KLHL1: variants seen among roughly 807,000 people sequenced by gnomAD.
KLHL1 encodes the protein kelch-like protein 1.
A neutral mutation model predicts 77.7 loss-of-function variants in KLHL1; 47 were observed. The ratio of observed to expected loss-of-function variants is 0.60; its 90% CI spans 0.48 to 0.77. The LOEUF is 0.77. Among genes scored for constraint, KLHL1 ranks in the 30% least tolerant of loss-of-function variants. The pLI, the probability that KLHL1 is intolerant of heterozygous loss-of-function variation, is 0.00. For missense variants in KLHL1, 925 were observed against 910.8 expected, an observed-to-expected ratio of 1.02 and a Z score of -0.20; for synonymous variants, 360 against 325.2, an observed-to-expected ratio of 1.11 and a Z score of -1.15.
chr13:69,983,240 G>T (rs1884765208), intron 1 of KLHL1, among the ~76,000 whole-genome samples: 1 of 151,998 alleles, frequency 6.6e-6, no homozygotes, highest in Non-Finnish European at 1.5e-5. Context: ...TCATTGGTTG[G>T]AATAATAATT....
chr13:70,108,144 G>C lies in KLHL1; in HGVS notation c.-445C>G, dbSNP rs1888123564. ...CTTGTGGCAGAGCCTTAGTAGGGAA[G>C]GTGGTGGCGTTCTTGTCCTTGCAGC... On this transcript the variant is annotated 5_prime_UTR_variant, in exon 1 of 11. Coordinates refer to ENST00000377844, the MANE Select transcript of KLHL1 (RefSeq NM_020866.3). 2 of 402,264 alleles carry C rather than the reference G, an allele frequency of 5.0e-6. No individual in the cohort carries two copies. The highest frequency in any genetic ancestry group is 7.1e-5 in the East Asian group (2 of 28,000). The allele number at this position is 402,264 out of a possible 1,614,324, so 24.9% of individuals were successfully genotyped here.
At chr13:69,753,597 A>G (rs1566214412) in intron 7 of KLHL1, among the ~76,000 whole-genome samples, 2 of 152,230 alleles carry the variant, frequency 1.3e-5, no homozygotes, top group Admixed American at 6.6e-5. Flanking sequence ...CAGATAAATC[A>G]AATGAGAATA....
chr13:69,726,549 T>G (rs1873304386), intron 8 of KLHL1, among the ~76,000 whole-genome samples: 1 of 152,190 alleles, frequency 6.6e-6, no homozygotes, highest in Non-Finnish European at 1.5e-5. Flanking sequence ...AAACTCCTCT[T>G]GTCACTTGCT....
chr13:69,883,707 G>A (rs1199873050), intron 4 of KLHL1, among the ~76,000 whole-genome samples: 2 of 152,232 alleles, frequency 1.3e-5, no homozygotes, highest in African/African-American at 4.8e-5. Context: ...AATCTCTGTA[G>A]AGAAAAACAA....
At position 70,008,532 on chromosome 13, in the gene KLHL1, T is replaced by C. The variant is rs1219776795; in HGVS notation, c.498-32730A>G. On this transcript the variant is annotated intron_variant, in intron 1 of 10. Coordinates refer to ENST00000377844, the MANE Select transcript of KLHL1 (RefSeq NM_020866.3). ...TGCATGTTTTTAACCATTTGATATA[T>C]ACATTAAAAAGCTATTAGGACAGTA... is the stretch of plus-strand genomic sequence containing the variant. 2.6e-5 allele frequency among the ~76,000 whole-genome samples: 4 copies of C among 152,108 alleles called. No homozygotes were observed. The South Asian group carries it at 8.3e-4, about 31-fold the overall frequency.
At chr13:69,896,246 C>G (rs957122629) in intron 4 of KLHL1, among the ~76,000 whole-genome samples, 18 of 152,240 alleles carry the variant, frequency 1.2e-4, no homozygotes, top group African/African-American at 4.3e-4. Flanking sequence ...TCTCTCCTTT[C>G]TTATTCTCCC....
At chr13:70,000,071 T>G (rs1169100638) in intron 1 of KLHL1, among the ~76,000 whole-genome samples, 1 of 151,902 alleles carries the variant, frequency 6.6e-6, no homozygotes, top group Non-Finnish European at 1.5e-5. Context: ...GAGATCTGAT[T>G]GTTTAAAAGA....
intron 8 of KLHL1, among the ~76,000 whole-genome samples, chr13:69,739,022 A>T (rs371746886): frequency 2.6e-5 from 4 of 152,170 alleles, no homozygotes; most frequent in African/African-American, 9.6e-5. Context: ...GTCACCTGTA[A>T]AGGGAAGCCC....
intron 7 of KLHL1, among the ~76,000 whole-genome samples, chr13:69,793,919 T>C (rs1876985993): frequency 6.6e-6 from 1 of 152,158 alleles, no homozygotes; most frequent in African/African-American, 2.4e-5. Context: ...TACCCCATAT[T>C]GTTCCCTTAG....
chr13:69,787,344 G>C (rs1046269839), intron 7 of KLHL1, among the ~76,000 whole-genome samples: 4 of 152,114 alleles, frequency 2.6e-5, no homozygotes, highest in African/African-American at 7.2e-5. Flanking sequence ...AGAGCCCTCA[G>C]AAATAATGCC....
chr13:69,706,383 T>G (rs1875626330), intron 10 of KLHL1, among the ~76,000 whole-genome samples: 1 of 151,878 alleles, frequency 6.6e-6, no homozygotes, highest in Non-Finnish European at 1.5e-5. Flanking sequence ...GGAATTTGGT[T>G]TTGTACTCCG....
At chr13:69,766,663 T>G (rs942404051) in intron 7 of KLHL1, among the ~76,000 whole-genome samples, 1 of 152,084 alleles carries the variant, frequency 6.6e-6, no homozygotes, top group Non-Finnish European at 1.5e-5. Context: ...CCCAGTAGAT[T>G]TTCCCATATT....
chr13:69,817,263 A>G lies in KLHL1; in HGVS notation c.1415-20301T>C, dbSNP rs888299913. The stretch of plus-strand genomic sequence containing the variant: ...AAAATGTAGACACTGGAATGAAAGA[A>G]AAAGATGGCAATCATGACAATTAGG... On this transcript the variant is annotated intron_variant, in intron 6 of 10. Transcript: ENST00000377844. Among the ~76,000 whole-genome samples, 7 of 152,222 alleles carry G rather than the reference A, an allele frequency of 4.6e-5. No individual in the cohort carries two copies. The East Asian group carries it at 1.3e-3, about 29-fold the overall frequency.
At chr13:69,930,299 G>A (rs766125346) in intron 4 of KLHL1, among the ~76,000 whole-genome samples, 1 of 151,782 alleles carries the variant, frequency 6.6e-6, no homozygotes, top group Non-Finnish European at 1.5e-5. Flanking sequence ...AATTCATCAA[G>A]GTATTTTTTA....
chr13:69,730,794 G>T (rs1013018811), intron 8 of KLHL1, among the ~76,000 whole-genome samples: 3 of 151,970 alleles, frequency 2.0e-5, no homozygotes, highest in Non-Finnish European at 2.9e-5. Flanking sequence ...TGCCCAGGCT[G>T]GTCTCAAACT....
At chr13:70,019,701 T>C (rs879939933) in intron 1 of KLHL1, among the ~76,000 whole-genome samples, 5 of 152,138 alleles carry the variant, frequency 3.3e-5, no homozygotes, top group Non-Finnish European at 5.9e-5. Flanking sequence ...TTATAAATGA[T>C]AGTGGTGTGA....
chr13:69,722,806 TC>T (rs1334387347), intron 8 of KLHL1, among the ~76,000 whole-genome samples: 5 of 151,904 alleles, frequency 3.3e-5, no homozygotes, highest in Non-Finnish European at 7.4e-5. Context: ...GATCCAGCAA[TC>T]TCACTACTTG....
At chr13:69,783,941 C>T (rs1333418980) in intron 7 of KLHL1, among the ~76,000 whole-genome samples, 18 of 151,940 alleles carry the variant, frequency 1.2e-4, no homozygotes, top group Non-Finnish European at 2.4e-4. Flanking sequence ...AAAGGAAGGT[C>T]GGGTTACCCA....
chr13:69,807,714 A>G (rs902271890), intron 6 of KLHL1, among the ~76,000 whole-genome samples: 80 of 152,142 alleles, frequency 5.3e-4, no homozygotes, highest in African/African-American at 1.9e-3. Context: ...GGACTTCCAG[A>G]GCTCCAATGA....
Sources: gnomAD v4.1 joint callset for allele counts (sites outside exome capture counted in the v4.1 genomes callset) on GRCh38, gnomAD v4.1.1 for gene constraint, MANE v1.5 for transcripts, NCBI Gene and HGNC (gene_info 2026-07-23, HGNC 2026-07-21) for gene names.